MST1R: variants seen among roughly 807,000 people sequenced by gnomAD.
MST1R encodes the protein macrophage stimulating 1 receptor, also known as macrophage-stimulating protein receptor.
Under a neutral mutation model 117.8 loss-of-function variants are expected in MST1R, and 99 were observed. The ratio of observed to expected loss-of-function variants is 0.84; its 90% confidence interval spans 0.71 to 0.99. The LOEUF is 0.99. Among genes scored for constraint, MST1R ranks in the 50% least tolerant of loss-of-function variants. MST1R has a pLI of 0.00. For synonymous variants in MST1R, 734 were observed against 765.3 expected, an observed-to-expected ratio of 0.96 and a Z score of 0.68; for missense variants, 1,683 against 1,840.2, an observed-to-expected ratio of 0.91 and a Z score of 1.56.
Position 49,898,561 on chromosome 3 carries a change from G to A in MST1R, c.1676C>T (p.Pro559Leu), listed in dbSNP as rs1406310241. ...GCAGTGGTCCTGTTGCCAGGAGCCAGGACACTCCTTCTGCTGGCCGCACAT... is the reference window on the plus strand; with the variant it reads ...GCAGTGGTCCTGTTGCCAGGAGCCAAGACACTCCTTCTGCTGGCCGCACAT... ...GNMCGQQKEC[P>L]GSWQQDHCPP... The change falls in exon 4 of 20, where the codon CCT (proline) becomes CTT (leucine). Residue 559 changes from proline to leucine, a missense_variant. By Grantham distance (98) the Pro-to-Leu change is moderately conservative. Coordinates refer to ENST00000296474, the MANE Select transcript of MST1R (RefSeq NM_002447.4). The A allele has an allele frequency of 2.5e-6, 4 of 1,613,898 alleles. No homozygotes were observed. In the African/African-American group the frequency reaches 5.3e-5, roughly 22 times the overall value.
rs780724186 is a variant in MST1R at position 49,887,375 on chromosome 3, G to A, written c.4135C>T (p.Gln1379Ter). The change falls in exon 20 of 20, where the codon CAG becomes TAG. Residue 1379 changes from glutamine (Q) to a stop codon, truncating the protein, a stop_gained. Transcript: ENST00000296474. LOFTEE classifies it low-confidence loss of function (END_TRUNC). ...ACATTCCCTGGCATGGGTGAGAACT[G>A]CGGCTGTTCTGGACGCACATTCATC... ...HEMNVRPEQP[Q>*]FSPMPGNVRR... is the part of the protein sequence containing the mutation. 6.2e-7 allele frequency: 1 copy of A among 1,614,266 alleles called. No individual in the cohort carries two copies. Among genetic ancestry groups the A allele is most frequent in the Non-Finnish European group, 8.5e-7 (1 of 1,180,040 alleles).
At position 49,892,018 on chromosome 3, in the gene MST1R, C is replaced by T. The variant is rs78414775; in HGVS notation, c.3272-180G>A. ...TCTCACTCTTGCCCAGGCTGAAGTG[C>T]AGTGGTGCAATCTCAACTCATTGCA... On this transcript the variant is annotated intron_variant, in intron 14 of 19. Transcript: ENST00000296474. The T allele has an allele frequency of 4.3e-5, 20 of 467,870 alleles. No individual in the cohort carries two copies. The East Asian group carries it at 7.0e-4, about 16-fold the overall frequency. 29.0% of individuals were successfully genotyped at this position (467,870 alleles called of 1,614,324 possible).
intron 14 of MST1R, among the ~76,000 whole-genome samples, chr3:49,892,934 T>G (rs866020409): frequency 1.4e-4 from 21 of 151,794 alleles, no homozygotes; most frequent in African/African-American, 4.8e-4. Context: ...CACTCCAGCC[T>G]GGGCAATAGA....
rs2082746802 is a variant in MST1R, at chr3:49,903,146, A to C, written c.464T>G (p.Val155Gly). Residue 155 changes from valine (V) to glycine (G), a missense_variant, in exon 1 of 20, where the codon GTG becomes GGG. Transcript: ENST00000296474. ...GAGGCAGGCTGGCGCTGCCAGATGC[A>C]CGGCTGTCCCTTGGGGCTCTAGGTC... Reference protein sequence around the residue: ...LHDLEPQGTAVHLAAPACLFS... With the variant: ...LHDLEPQGTAGHLAAPACLFS... 3 of 1,604,202 alleles carry C rather than the reference A, an allele frequency of 1.9e-6. No homozygotes were observed. The highest frequency in any genetic ancestry group is 2.5e-6 in the Non-Finnish European group (3 of 1,179,990).
intron 5 of MST1R, 88 bp from the exon 6 acceptor site, chr3:49,897,773 C>A (rs2082532670): frequency 2.0e-6 from 3 of 1,485,138 alleles, no homozygotes; most frequent in Admixed American, 4.5e-5. Flanking sequence ...CTCCTCTGAG[C>A]CAGAGAATGG....
In MST1R at chr3:49,903,497, C is replaced by T; in HGVS notation, c.113G>A (p.Arg38His). 1.9e-6 allele frequency: 3 copies of T among 1,611,108 alleles called. No individual in the cohort carries two copies. Among genetic ancestry groups the T allele is most frequent in the Non-Finnish European group, 1.7e-6 (2 of 1,179,958 alleles). ...QCPRTPYAASRDFDVKYVVPS... is the reference protein window; with the variant it reads ...QCPRTPYAASHDFDVKYVVPS... The stretch of plus-strand genomic sequence containing the variant: ...CACCACGTACTTCACGTCAAAGTCG[C>T]GAGAGGCCGCGTAGGGGGTGCGCGG... Residue 38 changes from arginine to histidine, a missense_variant, in exon 1 of 20, where the codon CGC becomes CAC. Transcript: ENST00000296474.
chr3:49,895,380 G>A lies in MST1R; in HGVS notation c.3065-7C>T. The A allele has an allele frequency of 5.6e-6, 9 of 1,614,222 alleles. No individual in the cohort carries two copies. Among genetic ancestry groups the A allele is most frequent in the Non-Finnish European group, 7.6e-6 (9 of 1,180,048 alleles). Reference sequence around the variant, plus strand: ...CCATCAATGGCAGGGAGTGCTGTGGGGAGAGGGAATGAGGAGCTTGTAGGG... The same window carrying A: ...CCATCAATGGCAGGGAGTGCTGTGGAGAGAGGGAATGAGGAGCTTGTAGGG... On this transcript the variant is annotated splice_region_variant and splice_polypyrimidine_tract_variant and intron_variant, in intron 13 of 19. Transcript: ENST00000296474.
intron 12 of MST1R, 45 bp downstream of exon 12, chr3:49,895,670 T>G (rs1323145131): frequency 6.2e-7 from 1 of 1,612,480 alleles, no homozygotes; most frequent in East Asian, 2.2e-5. Context: ...AAGATGCCAT[T>G]GGTTGGGGGT....
intron 17 of MST1R, 51 bp downstream of exon 17, chr3:49,891,146 C>A (rs867605890): frequency 2.6e-6 from 4 of 1,545,384 alleles, no homozygotes; most frequent in South Asian, 2.2e-5. Flanking sequence ...GAGCACCGCA[C>A]ACCCTCATGC....
rs1330716501 is a variant in MST1R at position 49,895,549 on chromosome 3, C to A, written c.2963-1G>T. ...AGGTCATTCAGGTTGGGAGGAAGAA[C>A]TGTGGAAAGAGAATCCTTGGTGGCT... On this transcript the variant is annotated splice_acceptor_variant, in intron 12 of 19. Coordinates refer to ENST00000296474, the MANE Select transcript of MST1R (RefSeq NM_002447.4). LOFTEE classifies it high-confidence loss of function. 3 of 1,614,014 alleles carry A rather than the reference C, an allele frequency of 1.9e-6. No individual in the cohort carries two copies. Among genetic ancestry groups the A allele is most frequent in the Non-Finnish European group, 2.5e-6 (3 of 1,180,024 alleles).
At chr3:49,889,498 C>A (rs1025773143) in intron 19 of MST1R, among the ~76,000 whole-genome samples, 1 of 152,168 alleles carries the variant, frequency 6.6e-6, no homozygotes, top group African/African-American at 2.4e-5. Context: ...AATGCAGCTG[C>A]CGCCATCCCT....
At chr3:49,891,036 G>C (rs1431218518) in intron 17 of MST1R, among the ~76,000 whole-genome samples, 161 bp downstream of exon 17, 1 of 152,096 alleles carries the variant, frequency 6.6e-6, no homozygotes, top group African/African-American at 2.4e-5. Context: ...AAATTTCAAA[G>C]CCACAGTGTC....
Position 49,899,076 on chromosome 3 carries a change from T to C in MST1R, c.1418A>G (p.Gln473Arg), listed in dbSNP as rs1245507889. The C allele has an allele frequency of 6.2e-7, 1 of 1,614,124 alleles. No individual in the cohort carries two copies. Among genetic ancestry groups the C allele is most frequent in the East Asian group, 2.2e-5 (1 of 44,886 alleles). Residue 473 changes from glutamine (Q) to arginine (R), a missense_variant and splice_region_variant, in exon 2 of 20, where the codon CAG (glutamine) becomes CGG (arginine). Gln to Arg is a conservative substitution (Grantham distance 43, BLOSUM62 1). Transcript: ENST00000296474. ...HMGTMDGRIL[Q>R]VELVRSLNYL... ...GGGACTGTGGGGATGAGGACCCACC[T>C]GCAGGATACGCCCATCCATTGTGCC...
intron 14 of MST1R, 89 bp downstream of exon 14, chr3:49,895,078 T>C: frequency 7.0e-7 from 1 of 1,432,758 alleles, no homozygotes; most frequent in Non-Finnish European, 9.8e-7. Context: ...CCCAAAGTGC[T>C]GGGATTACAG....
Position 49,902,493 on chromosome 3 carries a change from G to C in MST1R, c.1117C>G (p.Leu373Val). The C allele has an allele frequency of 6.2e-7, 1 of 1,614,196 alleles. No individual in the cohort carries two copies. Among genetic ancestry groups the C allele is most frequent in the Non-Finnish European group, 8.5e-7 (1 of 1,180,050 alleles). Reference protein sequence around the residue: ...NSVVCAFPIDLLDTLIDEGVE... With the variant: ...NSVVCAFPIDVLDTLIDEGVE... Reference sequence around the variant, plus strand: ...CCCTCATCAATTAGTGTGTCCAGCAGGTCAATGGGGAAGGCACAGACGACA... The same window carrying C: ...CCCTCATCAATTAGTGTGTCCAGCACGTCAATGGGGAAGGCACAGACGACA... The change falls in exon 1 of 20, where the codon CTG becomes GTG. Residue 373 changes from leucine to valine, a missense_variant. Coordinates refer to ENST00000296474, the MANE Select transcript of MST1R (RefSeq NM_002447.4).
At chr3:49,900,404 C>T (rs1559481873) in intron 1 of MST1R, among the ~76,000 whole-genome samples, 1 of 152,124 alleles carries the variant, frequency 6.6e-6, no homozygotes. Context: ...AGACGGGGCT[C>T]AGTAGCCAGC....
Position 49,890,576 on chromosome 3 carries a change from C to CTA in MST1R, c.3717_3718dup (p.Ser1240IlefsTer13). ...GCGAGCGTGGCGATGCTGTTGAACA[C>CTA]TATAGTACTCCCTGTCCAGGATGTC... is the stretch of plus-strand genomic sequence containing the variant. On this transcript the variant is annotated frameshift_variant, in exon 18 of 20. Transcript: ENST00000296474. LOFTEE classifies it high-confidence loss of function. 1.2e-6 allele frequency: 2 copies of CTA among 1,614,162 alleles called. No individual in the cohort carries two copies. Among genetic ancestry groups the CTA allele is most frequent in the South Asian group, 2.2e-5 (2 of 91,076 alleles).
Position 49,896,850 on chromosome 3 carries a change from C to A in MST1R, c.2224G>T (p.Ala742Ser), listed in dbSNP as rs1395215720. The stretch of plus-strand genomic sequence containing the variant: ...CTAAGGGGGACACTGGCCACCGTGG[C>A]CCCAGGGGGTGTGGCACATAAAAGC... Reference protein sequence around the residue: ...GQLLCATPPGATVASVPLSLQ... With the variant: ...GQLLCATPPGSTVASVPLSLQ... Residue 742 changes from alanine (A) to serine (S), a missense_variant, in exon 8 of 20, where the codon GCC (alanine) becomes TCC (serine). Ala to Ser is a moderately conservative substitution (Grantham distance 99). Transcript: ENST00000296474. 6.5e-7 allele frequency: 1 copy of A among 1,549,226 alleles called. No individual in the cohort carries two copies. The highest frequency in any genetic ancestry group is 2.0e-5 in the Admixed American group (1 of 50,346).
chr3:49,896,966 A>T, intron 7 of MST1R, 76 bp from the exon 8 acceptor site: 1 of 1,425,088 alleles, frequency 7.0e-7, no homozygotes, highest in Non-Finnish European at 9.3e-7. Flanking sequence ...GGGCCTGTTG[A>T]CCTCTCCCAG....
Sources: allele counts gnomAD v4.1 joint callset (sites outside exome capture counted in the v4.1 genomes callset), GRCh38; gene constraint gnomAD v4.1.1; transcripts MANE v1.5; gene names NCBI Gene and HGNC (gene_info 2026-07-23, HGNC 2026-07-21).